SDK2: variants seen among roughly 807,000 people sequenced by gnomAD.
SDK2 encodes the protein protein sidekick-2.
In SDK2, 105 loss-of-function variants were observed where a neutral mutation model predicts 253.9. That is an observed-to-expected ratio of 0.41 (90% confidence interval 0.35 to 0.49). The LOEUF (loss-of-function observed/expected upper bound fraction) is 0.49. Ranked by LOEUF, SDK2 falls within the 20% of genes least tolerant of loss-of-function variation. The pLI is 0.06. For missense variants in SDK2, 2,608 were observed against 3,003.0 expected (o/e 0.87, Z 3.07); for synonymous variants, 1,249 against 1,234.9 (o/e 1.01, Z -0.24).
At chr17:73,420,952 A>C (rs1789265577) in intron 15 of SDK2, among the ~76,000 whole-genome samples, 1 of 152,228 alleles carries the variant, frequency 6.6e-6, no homozygotes, top group African/African-American at 2.4e-5. Flanking sequence ...CTGGGATTAC[A>C]AGCGTGAGGA....
Position 73,433,586 on chromosome 17 carries a change from G to A in SDK2, c.1312+146C>T. 2.1e-5 allele frequency: 13 copies of A among 608,260 alleles called. No homozygotes were observed. The South Asian group carries it at 2.5e-4, about 12-fold the overall frequency. The allele number at this position is 608,260 out of a possible 1,614,324, so 37.7% of individuals were successfully genotyped here. A position where few individuals can be genotyped will look rare whatever the true frequency, so the allele number is the denominator to read the frequency against. On this transcript the variant is annotated intron_variant, in intron 10 of 44. Transcript: ENST00000392650. ...TTATAGGCATGAGCCACCGCGCCCG[G>A]CCGAGAGATGCTCTCTTGGGTTGTA...
At chr17:73,412,150 ATACG>A (rs1328047019) in intron 18 of SDK2, among the ~76,000 whole-genome samples, 1 of 8,508 alleles carries the variant, frequency 1.2e-4, no homozygotes, top group Non-Finnish European at 3.5e-4. Flanking sequence ...ATATGTATAT[ATACG>A]TATATATGTA....
At chr17:73,542,917 C>A (rs1417795299) in intron 1 of SDK2, among the ~76,000 whole-genome samples, 2 of 152,176 alleles carry the variant, frequency 1.3e-5, no homozygotes, top group Non-Finnish European at 2.9e-5. Flanking sequence ...ATTCATAAGA[C>A]ACCCTCCCCT....
chr17:73,436,839 G>C (rs75085627), intron 8 of SDK2, among the ~76,000 whole-genome samples: 2,431 of 151,976 alleles, frequency 0.016, 60 homozygotes, highest in African/African-American at 0.056. Context: ...CTTTCTTAGT[G>C]GTCCATAAAA....
intron 43 of SDK2, among the ~76,000 whole-genome samples, chr17:73,349,279 G>T (rs1282637141): frequency 6.6e-6 from 1 of 152,210 alleles, no homozygotes; most frequent in Non-Finnish European, 1.5e-5. Context: ...ATAAGAGCTC[G>T]GCTTTGGGAG....
chr17:73,489,383 T>C (rs2076074727), intron 2 of SDK2, among the ~76,000 whole-genome samples: 1 of 152,180 alleles, frequency 6.6e-6, no homozygotes, highest in Non-Finnish European at 1.5e-5. Context: ...AATGACTTTG[T>C]CAAGCTAATT....
intron 3 of SDK2, among the ~76,000 whole-genome samples, chr17:73,469,981 T>TGCGC (rs10622822): frequency 0.051 from 6,553 of 129,226 alleles, 257 homozygotes; most frequent in Admixed American, 0.13. Flanking sequence ...CATTTGCGAC[T>TGCGC]GCGCGCGCGC....
intron 1 of SDK2, among the ~76,000 whole-genome samples, chr17:73,535,348 C>A (rs2044756226): frequency 6.6e-6 from 1 of 152,132 alleles, no homozygotes; most frequent in South Asian, 2.1e-4. Flanking sequence ...GGATCTCCAC[C>A]CTCCCTCCTG....
intron 1 of SDK2, among the ~76,000 whole-genome samples, chr17:73,593,251 CAG>C (rs2045709603): frequency 6.6e-6 from 1 of 152,168 alleles, no homozygotes; most frequent in African/African-American, 2.4e-5. Context: ...TCCCTGGATC[CAG>C]AGTTACTCCT....
chr17:73,375,307 C>T (rs2062769006), intron 36 of SDK2, among the ~76,000 whole-genome samples: 2 of 116,418 alleles, frequency 1.7e-5, no homozygotes, highest in South Asian at 6.0e-4. Flanking sequence ...AGTGGTGCAA[C>T]AATGGCTCAC....
intron 1 of SDK2, among the ~76,000 whole-genome samples, chr17:73,615,443 T>C (rs113776916): frequency 1.3e-5 from 2 of 152,200 alleles, no homozygotes; most frequent in Admixed American, 6.5e-5. Flanking sequence ...CAAGTCTCTT[T>C]CTAGGTTTCT....
intron 1 of SDK2, among the ~76,000 whole-genome samples, chr17:73,539,014 T>C (rs1421287827): frequency 2.0e-5 from 3 of 152,034 alleles, no homozygotes; most frequent in South Asian, 2.1e-4. Context: ...CTGTAGAACA[T>C]AGTGAGCCTC....
At chr17:73,548,113 A>C (rs760201307) in intron 1 of SDK2, among the ~76,000 whole-genome samples, 11 of 152,198 alleles carry the variant, frequency 7.2e-5, no homozygotes, top group Non-Finnish European at 1.6e-4. Context: ...GGGGATTACA[A>C]TTCCACATGA....
rs2063410618 is a variant in SDK2, at chr17:73,440,915, C to A, written c.622G>T (p.Gly208Trp). Residue 208 changes from glycine (G) to tryptophan (W), a missense_variant, in exon 6 of 45, where the codon GGG (glycine) becomes TGG (tryptophan). Physicochemically the swap from Gly to Trp is radical, Grantham distance 184. Coordinates refer to ENST00000392650, the MANE Select transcript of SDK2 (RefSeq NM_001144952.2). Reference protein sequence around the residue: ...PITLTVENVGGPADPIAPTII... With the variant: ...PITLTVENVGWPADPIAPTII... ...GTGGGTGCGATGGGGTCTGCAGGCCCCCCTACATCTGGAGAGAGATCAGAT... is the reference window on the plus strand; with the variant it reads ...GTGGGTGCGATGGGGTCTGCAGGCCACCCTACATCTGGAGAGAGATCAGAT... 1 of 1,549,974 alleles carries A rather than the reference C, an allele frequency of 6.5e-7. No individual in the cohort carries two copies. The highest frequency in any genetic ancestry group is 2.4e-5 in the East Asian group (1 of 40,906).
Position 73,435,746 on chromosome 17 carries a change from T to A in SDK2, c.1001-102A>T. On this transcript the variant is annotated intron_variant, in intron 8 of 44. Coordinates refer to ENST00000392650, the MANE Select transcript of SDK2 (RefSeq NM_001144952.2). This position sits in a 1 kb window ranked among gnomAD's most constrained non-coding sequence, Gnocchi z 5.7. The stretch of plus-strand genomic sequence containing the variant: ...CCGGGCCCGGAAATCTGCGAGGGGG[T>A]CCCTGGTGAATCTTGGTGTCTAGAA... The A allele has an allele frequency of 9.2e-7, 1 of 1,088,314 alleles. No homozygotes were observed. The highest frequency in any genetic ancestry group is 2.6e-5 in the East Asian group (1 of 37,906). The allele number at this position is 1,088,314 out of a possible 1,614,324, so 67.4% of individuals were successfully genotyped here. A position where few individuals can be genotyped will look rare whatever the true frequency, so the allele number is the denominator to read the frequency against.
intron 2 of SDK2, among the ~76,000 whole-genome samples, chr17:73,488,496 C>T (rs1450452968): frequency 6.6e-6 from 1 of 152,212 alleles, no homozygotes; most frequent in Non-Finnish European, 1.5e-5. Context: ...AAATTGCACC[C>T]AGCTGAGGTG....
At chr17:73,606,020 A>G (rs761741295) in intron 1 of SDK2, among the ~76,000 whole-genome samples, 35 of 152,104 alleles carry the variant, frequency 2.3e-4, no homozygotes, top group Non-Finnish European at 4.3e-4. Flanking sequence ...ATACCAAACA[A>G]ACAAAATGAG....
chr17:73,495,362 G>A (rs578057587), intron 2 of SDK2, among the ~76,000 whole-genome samples: 190 of 152,342 alleles, frequency 1.2e-3, no homozygotes, highest in African/African-American at 4.3e-3. Context: ...CATCCAGAAG[G>A]TGTCTATTGG....
chr17:73,462,543 T>C (rs2063571179), intron 3 of SDK2, among the ~76,000 whole-genome samples: 1 of 152,142 alleles, frequency 6.6e-6, no homozygotes, highest in Non-Finnish European at 1.5e-5. Context: ...TGGTTGTATA[T>C]GTTTGTATGC....
Sources: gnomAD v4.1 joint callset for allele counts (sites outside exome capture counted in the v4.1 genomes callset) on GRCh38, gnomAD v4.1.1 for gene constraint, Gnocchi (gnomAD v3.1) non-coding constraint, MANE v1.5 for transcripts, NCBI Gene and HGNC (gene_info 2026-07-23, HGNC 2026-07-21) for gene names.